STX18: variants seen among roughly 807,000 people sequenced by gnomAD.
STX18 encodes the protein syntaxin 18, also known as syntaxin-18.
A neutral mutation model predicts 50.1 loss-of-function variants in STX18; 40 were observed. The observed-to-expected ratio is 0.80, with a 90% confidence interval of 0.62 to 1.04. STX18 has a LOEUF of 1.04. STX18 is among the 50% of genes least tolerant of loss of function. The pLI, the probability that STX18 is intolerant of heterozygous loss-of-function variation, is 0.00. For missense variants in STX18, 410 were observed against 415.8 expected, an observed-to-expected ratio of 0.99 and a Z score of 0.12; for synonymous variants, 158 against 151.8, an observed-to-expected ratio of 1.04 and a Z score of -0.30.
At chr4:4,510,104 A>G (rs1729929643) in intron 1 of STX18, among the ~76,000 whole-genome samples, 1 of 152,224 alleles carries the variant, frequency 6.6e-6, no homozygotes, top group Non-Finnish European at 1.5e-5. Flanking sequence ...AGGGGGCTGC[A>G]GGAAATCACC....
intron 5 of STX18, among the ~76,000 whole-genome samples, chr4:4,445,337 T>C (rs10000397): frequency 0.37 from 56,138 of 151,644 alleles, 15,015 homozygotes; most frequent in African/African-American, 0.76. Flanking sequence ...ACTCGGGAGG[T>C]GGAGGTTGCA....
chr4:4,445,062 G>A (rs966073221), intron 5 of STX18, among the ~76,000 whole-genome samples: 1 of 152,086 alleles, frequency 6.6e-6, no homozygotes, highest in African/African-American at 2.4e-5. Flanking sequence ...CAAAACTACT[G>A]TTATTCACAT....
At chr4:4,506,623 G>T (rs1577384721) in intron 1 of STX18, among the ~76,000 whole-genome samples, 2 of 152,182 alleles carry the variant, frequency 1.3e-5, no homozygotes, top group East Asian at 1.9e-4. Flanking sequence ...CACACACAGG[G>T]AGAGAGTACA....
At chr4:4,476,767 G>GACAGGGGGAGGTAACAGATGCA (rs1668827050) in intron 1 of STX18, among the ~76,000 whole-genome samples, 2 of 152,164 alleles carry the variant, frequency 1.3e-5, no homozygotes, top group Admixed American at 1.3e-4. Context: ...TTCACAATAA[G>GACAGGGGGAGGTAACAGATGCA]ACAGGGGGAG....
At chr4:4,524,726 A>G (rs1335775522) in intron 1 of STX18, among the ~76,000 whole-genome samples, 4 of 152,270 alleles carry the variant, frequency 2.6e-5, no homozygotes, top group Admixed American at 2.6e-4. Flanking sequence ...CCAGAGGTTA[A>G]GTCATACCAC....
intron 1 of STX18, chr4:4,477,751 G>A (rs1417750570): frequency 6.6e-6 from 1 of 152,188 alleles, no homozygotes; most frequent in Non-Finnish European, 1.5e-5. Flanking sequence ...TATTTGCAAG[G>A]AAGCACCTGG....
At chr4:4,458,964 C>T (rs1431984907) in intron 3 of STX18, among the ~76,000 whole-genome samples, 1 of 152,058 alleles carries the variant, frequency 6.6e-6, no homozygotes, top group Admixed American at 6.6e-5. Context: ...GCTGTCAACT[C>T]CCATCCCACT....
intron 1 of STX18, among the ~76,000 whole-genome samples, chr4:4,521,103 A>G (rs904194141): frequency 1.3e-5 from 2 of 152,042 alleles, no homozygotes; most frequent in African/African-American, 4.8e-5. Flanking sequence ...AGCTCTCACT[A>G]GACTCTGTTA....
intron 2 of STX18, among the ~76,000 whole-genome samples, chr4:4,466,153 G>A (rs1727608427): frequency 6.6e-6 from 1 of 152,172 alleles, no homozygotes; most frequent in South Asian, 2.1e-4. Context: ...TCAGAGGCAG[G>A]AGAGATGGCT....
intron 5 of STX18, among the ~76,000 whole-genome samples, chr4:4,443,214 A>C (rs11721573): frequency 1.3e-5 from 2 of 152,166 alleles, no homozygotes; most frequent in Non-Finnish European, 2.9e-5. Flanking sequence ...AAAAGTTATT[A>C]ATTATAGCAA....
At chr4:4,517,015 C>T (rs1029584044) in intron 1 of STX18, among the ~76,000 whole-genome samples, 2 of 152,184 alleles carry the variant, frequency 1.3e-5, no homozygotes, top group African/African-American at 2.4e-5. Flanking sequence ...TCAGTAGCAT[C>T]GGTTACAATG....
chr4:4,529,806 C>T (rs1231998876), intron 1 of STX18, among the ~76,000 whole-genome samples: 10 of 152,152 alleles, frequency 6.6e-5, no homozygotes. Flanking sequence ...ACCACAGGGC[C>T]AGGTACAGTA....
At chr4:4,482,118 A>G (rs982640486) in intron 1 of STX18, among the ~76,000 whole-genome samples, 5 of 152,144 alleles carry the variant, frequency 3.3e-5, no homozygotes, top group South Asian at 2.1e-4. Flanking sequence ...TCTAAAACCT[A>G]TAACTCCTTT....
At chr4:4,433,532 A>G (rs1018123849) in intron 7 of STX18, among the ~76,000 whole-genome samples, 1 of 124,182 alleles carries the variant, frequency 8.1e-6, no homozygotes, top group African/African-American at 4.5e-5. Context: ...AAAAAAATAA[A>G]TTAAAAAAAA....
Position 4,522,499 on chromosome 4 carries a change from T to C in STX18, c.168+19298A>G, listed in dbSNP as rs1420536051. Reference sequence around the variant, plus strand: ...AGTAAGTTCATATCCCTGACCATAATGGGGAGGAGTTGAGAATATTGCCAA... The same window carrying C: ...AGTAAGTTCATATCCCTGACCATAACGGGGAGGAGTTGAGAATATTGCCAA... On this transcript the variant is annotated intron_variant, in intron 1 of 10. Coordinates refer to ENST00000306200, the MANE Select transcript of STX18 (RefSeq NM_016930.4). Among the ~76,000 whole-genome samples the C allele has an allele frequency of 2.0e-5, 3 of 152,150 alleles. No homozygotes were observed. The East Asian group carries it at 5.8e-4, about 29-fold the overall frequency.
At chr4:4,529,085 C>T (rs1451180053) in intron 1 of STX18, among the ~76,000 whole-genome samples, 1 of 152,122 alleles carries the variant, frequency 6.6e-6, no homozygotes, top group African/African-American at 2.4e-5. Flanking sequence ...CATGGTTGGC[C>T]AGGTATGGTG....
intron 1 of STX18, among the ~76,000 whole-genome samples, chr4:4,483,937 C>T (rs543442282): frequency 1.3e-5 from 2 of 152,256 alleles, no homozygotes; most frequent in Non-Finnish European, 2.9e-5. Flanking sequence ...TCTCAGCTCA[C>T]TGCAACCTCC....
At chr4:4,476,719 C>A (rs1728192685) in intron 1 of STX18, among the ~76,000 whole-genome samples, 1 of 152,102 alleles carries the variant, frequency 6.6e-6, no homozygotes, top group South Asian at 2.1e-4. Context: ...ATACACGGAA[C>A]AACTTACAAG....
intron 1 of STX18, among the ~76,000 whole-genome samples, chr4:4,517,187 C>T (rs1233729290): frequency 6.6e-6 from 1 of 152,204 alleles, no homozygotes; most frequent in Non-Finnish European, 1.5e-5. Context: ...CTCGTCAGTA[C>T]ATTCTTCCCC....
Sources: allele counts gnomAD v4.1 joint callset (sites outside exome capture counted in the v4.1 genomes callset), GRCh38; gene constraint gnomAD v4.1.1; transcripts MANE v1.5; gene names NCBI Gene and HGNC (gene_info 2026-07-23, HGNC 2026-07-21).